Variants in SV2B observed in about 807,000 individuals in gnomAD.
The protein encoded by SV2B is synaptic vesicle glycoprotein 2B.
In SV2B, 41 loss-of-function variants were observed where a neutral mutation model predicts 73.9. The observed-to-expected ratio is 0.56, with a 90% CI of 0.43 to 0.72. The LOEUF (loss-of-function observed/expected upper bound fraction) is 0.72, where lower values mean the gene tolerates loss of function less well. SV2B is among the 30% of genes least tolerant of loss of function. The probability of loss-of-function intolerance (pLI) is 0.00; values close to 1 mark genes in which losing one functional copy is unlikely to be tolerated. For synonymous variants in SV2B, 314 were observed against 314.2 expected (o/e 1.00, Z 0.01); for missense variants, 764 against 857.8 (o/e 0.89, Z 1.37).
At chr15:91,200,754 A>T (rs1330979019) in intron 1 of SV2B, among the ~76,000 whole-genome samples, 1 of 151,930 alleles carries the variant, frequency 6.6e-6, no homozygotes, top group Non-Finnish European at 1.5e-5. Flanking sequence ...ATCAAAAATT[A>T]AAAAAAATTA....
rs888810206 is a variant in SV2B, at chr15:91,121,506, T to G, written c.-392+21143T>G. Among the ~76,000 whole-genome samples, 6 of 152,202 alleles carry G rather than the reference T, an allele frequency of 3.9e-5. No individual in the cohort carries two copies. Among genetic ancestry groups the G allele is most frequent in the Non-Finnish European group, 8.8e-5 (6 of 68,038 alleles). On this transcript the variant is annotated intron_variant, in intron 1 of 12. Transcript: ENST00000394232. The surrounding 1 kb of genome is among the most constrained non-coding windows in gnomAD (Gnocchi z 4.4). ...GGGTAGAATCTTGCTTCTTTTTCTT[T>G]CATGTCTATTATGTCATTATTTTTT...
chr15:91,203,021 G>C (rs1174439517), intron 1 of SV2B, among the ~76,000 whole-genome samples: 2 of 152,174 alleles, frequency 1.3e-5, no homozygotes, highest in African/African-American at 4.8e-5. Context: ...AGCCACCAGA[G>C]TAAACTTTTT....
intron 1 of SV2B, among the ~76,000 whole-genome samples, chr15:91,180,096 A>G (rs1393162449): frequency 6.6e-6 from 1 of 152,034 alleles, no homozygotes; most frequent in Non-Finnish European, 1.5e-5. Context: ...TGGTGGTGAC[A>G]AAATCTCTCA....
chr15:91,291,051 TA>T (rs2049023581), intron 12 of SV2B, among the ~76,000 whole-genome samples: 1 of 148,586 alleles, frequency 6.7e-6, no homozygotes, highest in South Asian at 2.1e-4. Context: ...TATTTATATA[TA>T]ATTATGATAA....
Position 91,106,603 on chromosome 15 carries a change from T to C in SV2B, c.-392+6240T>C, listed in dbSNP as rs984075675. On this transcript the variant is annotated intron_variant, in intron 1 of 12. Transcript: ENST00000394232. This position sits in a 1 kb window ranked among gnomAD's most constrained non-coding sequence, Gnocchi z 4.4. ...GTGAAGGCTCCAATCGCTTATATCA[T>C]ACGGAAAGCAACGTGTGGTGACAAG... is the stretch of plus-strand genomic sequence containing the variant. Among the ~76,000 whole-genome samples the C allele has an allele frequency of 5.3e-5, 8 of 152,152 alleles. No individual in the cohort carries two copies. The highest frequency in any genetic ancestry group is 1.9e-4 in the African/African-American group (8 of 41,414).
chr15:91,142,597 A>G (rs1661654331), intron 1 of SV2B, among the ~76,000 whole-genome samples: 1 of 152,230 alleles, frequency 6.6e-6, no homozygotes, highest in South Asian at 2.1e-4. Context: ...AGGGGAAGGA[A>G]GGGAACTAAC....
intron 2 of SV2B, among the ~76,000 whole-genome samples, chr15:91,238,547 A>G (rs935652956): frequency 2.0e-5 from 3 of 152,250 alleles, no homozygotes; most frequent in East Asian, 3.8e-4. Context: ...TGCAAAATGC[A>G]TGACTCCAAT....
At chr15:91,215,516 A>G (rs1417214277) in intron 1 of SV2B, among the ~76,000 whole-genome samples, 3 of 152,188 alleles carry the variant, frequency 2.0e-5, no homozygotes, top group African/African-American at 7.2e-5. Flanking sequence ...TACACTTTTC[A>G]GGGGGGAATT....
chr15:91,272,951 G>C (rs966242774), intron 9 of SV2B, among the ~76,000 whole-genome samples: 3 of 149,022 alleles, frequency 2.0e-5, no homozygotes, highest in Non-Finnish European at 4.4e-5. Context: ...TCCTGTGTCA[G>C]CCTCCTGAGT....
At chr15:91,275,102 C>T (rs529276373) in intron 9 of SV2B, among the ~76,000 whole-genome samples, 57 of 152,014 alleles carry the variant, frequency 3.7e-4, no homozygotes, top group African/African-American at 1.3e-3. Flanking sequence ...TTTTTAAATC[C>T]GTGTGTATAG....
At chr15:91,219,809 G>A (rs749901917) in intron 1 of SV2B, among the ~76,000 whole-genome samples, 24 of 152,150 alleles carry the variant, frequency 1.6e-4, no homozygotes, top group Non-Finnish European at 2.5e-4. Context: ...CCACAGCTCT[G>A]GGCAACCACT....
In SV2B at chr15:91,295,365, A is replaced by C. The variant is rs2049184675; in HGVS notation, c.*2813A>C. 6.6e-6 allele frequency: 1 copy of C among 152,196 alleles called. No homozygotes were observed. The allele number at this position is 152,196 out of a possible 1,614,324, so 9.4% of individuals were successfully genotyped here. ...AAACCCCAACCCAGCGTTCCCTCCT[A>C]CGTTGTGTTAGTTCATTAAAACTAA... is the stretch of plus-strand genomic sequence containing the variant. On this transcript the variant is annotated 3_prime_UTR_variant, in exon 13 of 13. Transcript: ENST00000394232.
rs567165903 is a variant in SV2B at position 91,221,248 on chromosome 15, C to T, written c.-391-4625C>T. Among the ~76,000 whole-genome samples, 10 of 152,236 alleles carry T rather than the reference C, an allele frequency of 6.6e-5. No individual in the cohort carries two copies. The East Asian group carries it at 1.7e-3, about 26-fold the overall frequency. On this transcript the variant is annotated intron_variant, in intron 1 of 12. Coordinates refer to ENST00000394232, the MANE Select transcript of SV2B (RefSeq NM_001323032.3). Reference sequence around the variant, plus strand: ...TCTGTACCAGACACTGTGCTGAGCACTCTTCATGGATGATCTCAACTGAAT... The same window carrying T: ...TCTGTACCAGACACTGTGCTGAGCATTCTTCATGGATGATCTCAACTGAAT...
intron 1 of SV2B, among the ~76,000 whole-genome samples, chr15:91,111,763 C>CA (rs1323705029): frequency 6.6e-6 from 1 of 152,062 alleles, no homozygotes; most frequent in East Asian, 1.9e-4. Flanking sequence ...CTGCAGGCTA[C>CA]ACAGGAAGCA....
chr15:91,248,953 C>T (rs934450652), intron 2 of SV2B, among the ~76,000 whole-genome samples: 1 of 151,902 alleles, frequency 6.6e-6, no homozygotes, highest in South Asian at 2.1e-4. Context: ...CTGGAGCACT[C>T]CTCTAAGTCT....
intron 9 of SV2B, among the ~76,000 whole-genome samples, chr15:91,275,031 A>C (rs1269422700): frequency 2.0e-5 from 3 of 151,954 alleles, no homozygotes; most frequent in Non-Finnish European, 4.4e-5. Context: ...TAATTAAGTG[A>C]ATTTCTTGTA....
Position 91,281,935 on chromosome 15 carries a change from C to A in SV2B, c.1507+74C>A. ...TGTGTTGTCCAAGAATCAAAATGGT[C>A]AGGCATAAACTTTAGGAGTAGGAAA... On this transcript the variant is annotated intron_variant, in intron 10 of 12. Transcript: ENST00000394232. The surrounding 1 kb of genome is among the most constrained non-coding windows in gnomAD (Gnocchi z 4.7). The A allele has an allele frequency of 6.1e-6, 9 of 1,483,788 alleles. No individual in the cohort carries two copies. The highest frequency in any genetic ancestry group is 8.2e-6 in the Non-Finnish European group (9 of 1,101,234). 91.9% of individuals were successfully genotyped at this position (1,483,788 alleles called of 1,614,324 possible).
Position 91,128,743 on chromosome 15 carries a change from G to C in SV2B, c.-392+28380G>C, listed in dbSNP as rs888135863. The C allele has an allele frequency of 1.3e-5, 2 of 152,348 alleles. No homozygotes were observed. The highest frequency in any genetic ancestry group is 4.8e-5 in the African/African-American group (2 of 41,446). 9.4% of individuals were successfully genotyped at this position (152,348 alleles called of 1,614,324 possible). A position where few individuals can be genotyped will look rare whatever the true frequency, so the allele number is the denominator to read the frequency against. ...TATAGGTCCTAAGACTCTCAGTCCAGAGAGGGCCCTGCCCCACACCCAGAA... is the reference window on the plus strand; with the variant it reads ...TATAGGTCCTAAGACTCTCAGTCCACAGAGGGCCCTGCCCCACACCCAGAA... On this transcript the variant is annotated intron_variant, in intron 1 of 12. Transcript: ENST00000394232. This position sits in a 1 kb window ranked among gnomAD's most constrained non-coding sequence, Gnocchi z 4.2.
intron 1 of SV2B, among the ~76,000 whole-genome samples, chr15:91,163,526 A>C (rs1044505218): frequency 6.6e-6 from 1 of 152,074 alleles, no homozygotes. Flanking sequence ...GATGATGAGC[A>C]TTTTTTCATG....
Sources: gnomAD v4.1 joint callset for allele counts (sites outside exome capture counted in the v4.1 genomes callset) on GRCh38, gnomAD v4.1.1 for gene constraint, Gnocchi (gnomAD v3.1) non-coding constraint, MANE v1.5 for transcripts, NCBI Gene and HGNC (gene_info 2026-07-23, HGNC 2026-07-21) for gene names.